COL25A1: variants seen among roughly 807,000 people sequenced by gnomAD.
COL25A1 encodes the protein collagen alpha-1(XXV) chain.
Under a neutral mutation model 128.4 loss-of-function variants are expected in COL25A1, and 103 were observed. The observed-to-expected ratio is 0.80, with a 90% CI of 0.68 to 0.94. The LOEUF is 0.94. COL25A1 is among the 40% of genes least tolerant of loss of function. COL25A1 has a pLI of 0.00. For synonymous variants in COL25A1, 279 were observed against 277.2 expected (o/e 1.01, Z -0.06); for missense variants, 745 against 840.0 (o/e 0.89, Z 1.40).
intron 16 of COL25A1, among the ~76,000 whole-genome samples, chr4:108,892,346 G>A (rs1741611132): frequency 6.6e-6 from 1 of 152,108 alleles, no homozygotes; most frequent in South Asian, 2.1e-4. Context: ...TTCCATTTTT[G>A]TTTGTGATTA....
chr4:109,285,183 T>C (rs1723758629), intron 3 of COL25A1, among the ~76,000 whole-genome samples: 1 of 152,298 alleles, frequency 6.6e-6, no homozygotes, highest in South Asian at 2.1e-4. Flanking sequence ...CGATAGGAAA[T>C]ATAATAGGTC....
intron 3 of COL25A1, among the ~76,000 whole-genome samples, chr4:109,150,327 C>A (rs957197100): frequency 6.6e-6 from 1 of 152,098 alleles, no homozygotes; most frequent in Admixed American, 6.5e-5. Flanking sequence ...AGGTCGTTGG[C>A]AGTTCTCTCC....
chr4:108,862,327 T>C (rs1440688020), intron 22 of COL25A1, among the ~76,000 whole-genome samples, 174 bp downstream of exon 22: 1 of 152,236 alleles, frequency 6.6e-6, no homozygotes, highest in Non-Finnish European at 1.5e-5. Context: ...AACAAACGTA[T>C]TGTTTTGAGA....
At chr4:108,942,749 C>CTTTTTTT (rs746618908) in intron 8 of COL25A1, among the ~76,000 whole-genome samples, 6 of 69,960 alleles carry the variant, frequency 8.6e-5, no homozygotes, top group African/African-American at 1.3e-4. Flanking sequence ...CACATCTGGA[C>CTTTTTTT]TTTTTTTTTT....
intron 3 of COL25A1, among the ~76,000 whole-genome samples, chr4:109,218,486 T>C (rs1454508793): frequency 6.6e-6 from 1 of 151,228 alleles, no homozygotes; most frequent in East Asian, 2.0e-4. Flanking sequence ...TGTTTAGATG[T>C]GCCTCCACCC....
At chr4:108,841,059 C>T (rs556280627) in intron 31 of COL25A1, among the ~76,000 whole-genome samples, 2 of 152,300 alleles carry the variant, frequency 1.3e-5, no homozygotes, top group South Asian at 2.1e-4. Context: ...AGGATGTCCT[C>T]GCGGTCTAGA....
chr4:108,965,741 G>T (rs1006315965), intron 8 of COL25A1, among the ~76,000 whole-genome samples: 7 of 151,500 alleles, frequency 4.6e-5, no homozygotes, highest in African/African-American at 1.5e-4. Context: ...GGGTGTAGAT[G>T]ACAACGGGAG....
chr4:109,251,465 A>AT (rs1332536858), intron 3 of COL25A1, among the ~76,000 whole-genome samples: 1 of 152,160 alleles, frequency 6.6e-6, no homozygotes, highest in African/African-American at 2.4e-5. Flanking sequence ...ACGCTAGGAG[A>AT]TCCCCTATAT....
At chr4:109,017,688 T>C (rs886813324) in intron 5 of COL25A1, among the ~76,000 whole-genome samples, 1 of 152,214 alleles carries the variant, frequency 6.6e-6, no homozygotes, top group Non-Finnish European at 1.5e-5. Flanking sequence ...TATAATATTA[T>C]TTTGAAATAT....
chr4:109,150,679 G>T (rs114387950), intron 3 of COL25A1, among the ~76,000 whole-genome samples: 4 of 152,016 alleles, frequency 2.6e-5, no homozygotes, highest in Admixed American at 6.5e-5. Flanking sequence ...ACACTGGGAC[G>T]TTTATGTCTA....
At chr4:109,218,357 G>GTTTTTTTTTGTTTTGTTTTT (rs1778166160) in intron 3 of COL25A1, among the ~76,000 whole-genome samples, 1 of 73,530 alleles carries the variant, frequency 1.4e-5, no homozygotes, top group South Asian at 7.1e-4. Context: ...GTTTTTTGGG[G>GTTTTTTTTTGTTTTGTTTTT]TTTTTTTTTT....
chr4:109,278,463 G>A (rs552337097), intron 3 of COL25A1, among the ~76,000 whole-genome samples: 1 of 152,200 alleles, frequency 6.6e-6, no homozygotes, highest in East Asian at 1.9e-4. Context: ...TGTTTTATAT[G>A]TTTTTCCTAA....
At chr4:109,197,471 A>AC (rs1491241928) in intron 3 of COL25A1, among the ~76,000 whole-genome samples, 1 of 119,754 alleles carries the variant, frequency 8.4e-6, no homozygotes, top group Non-Finnish European at 1.7e-5. Flanking sequence ...TATTATATAT[A>AC]ATATATATTA....
intron 19 of COL25A1, among the ~76,000 whole-genome samples, chr4:108,875,373 CAAAT>C (rs1486870751): frequency 2.0e-5 from 3 of 152,164 alleles, no homozygotes; most frequent in Admixed American, 6.5e-5. Flanking sequence ...AAGAAAAAAA[CAAAT>C]AACCCCATCA....
At chr4:109,206,777 C>G (rs932028523) in intron 3 of COL25A1, among the ~76,000 whole-genome samples, 9 of 152,116 alleles carry the variant, frequency 5.9e-5, no homozygotes, top group Non-Finnish European at 1.5e-5. Context: ...AAATGCAAAG[C>G]AGATTTGGCA....
At chr4:109,197,342 T>TATATATAAAAATATATA (rs1491528783) in intron 3 of COL25A1, among the ~76,000 whole-genome samples, 55 of 130,830 alleles carry the variant, frequency 4.2e-4, no homozygotes, top group African/African-American at 1.4e-3. Context: ...ATATATATAT[T>TATATATAAAAATATATA]ATATATATAT....
intron 3 of COL25A1, among the ~76,000 whole-genome samples, chr4:109,166,771 G>A (rs995743515): frequency 2.0e-5 from 3 of 152,180 alleles, no homozygotes; most frequent in African/African-American, 7.2e-5. Flanking sequence ...GCCAAATAAT[G>A]CATTCATTGA....
chr4:108,880,928 C>G (rs1740040039), intron 19 of COL25A1, among the ~76,000 whole-genome samples: 1 of 152,192 alleles, frequency 6.6e-6, no homozygotes, highest in African/African-American at 2.4e-5. Context: ...AATAATTTTA[C>G]CCATTAAAAA....
chr4:109,158,621 GA>G (rs762715966), intron 3 of COL25A1, among the ~76,000 whole-genome samples: 26 of 152,300 alleles, frequency 1.7e-4, no homozygotes, highest in South Asian at 4.1e-4. Context: ...CCATAAAGGG[GA>G]CAGAGATCAT....
Sources: allele counts gnomAD v4.1 joint callset (sites outside exome capture counted in the v4.1 genomes callset), GRCh38; gene constraint gnomAD v4.1.1; transcripts MANE v1.5; gene names NCBI Gene and HGNC (gene_info 2026-07-23, HGNC 2026-07-21).